Variants in F11 observed in about 807,000 individuals in gnomAD.
The protein encoded by F11 is coagualtion factor XI.
A neutral mutation model predicts 76.5 loss-of-function variants in F11; 78 were observed. The ratio of observed to expected loss-of-function variants is 1.02; its 90% CI spans 0.85 to 1.23. The LOEUF (loss-of-function observed/expected upper bound fraction) is 1.23. Ranked by LOEUF, F11 falls within the 50% of genes most tolerant of loss-of-function variation. The pLI, the probability that F11 is intolerant of heterozygous loss-of-function variation, is 0.00. For missense variants in F11, 742 were observed against 771.4 expected, an observed-to-expected ratio of 0.96 and a Z score of 0.45; for synonymous variants, 278 against 276.3, an observed-to-expected ratio of 1.01 and a Z score of -0.06.
At chr4:186,269,649 G>A (rs567512334) in intron 2 of F11, among the ~76,000 whole-genome samples, 1 of 152,176 alleles carries the variant, frequency 6.6e-6, no homozygotes, top group African/African-American at 2.4e-5. Flanking sequence ...ATCAGCTGGC[G>A]AAGTTGAAAA....
In F11 at chr4:186,280,544, T is replaced by C; in HGVS notation, c.1099T>C (p.Ser367Pro). The C allele has an allele frequency of 6.2e-7, 1 of 1,614,144 alleles. No homozygotes were observed. Among genetic ancestry groups the C allele is most frequent in the African/African-American group, 1.3e-5 (1 of 75,054 alleles). The change falls in exon 10 of 15, where the codon TCT becomes CCT. Residue 367 changes from serine (S) to proline (P), a missense_variant. Coordinates refer to ENST00000403665, the MANE Select transcript of F11 (RefSeq NM_000128.4). ...AATACTTCACGGGAGAGGAGGCATC[T>C]CTGGATACACATTAAGGTTGTGTAA... is the stretch of plus-strand genomic sequence containing the variant. ...TKILHGRGGISGYTLRLCKMD... is the reference protein window; with the variant it reads ...TKILHGRGGIPGYTLRLCKMD...
rs1035275450 is a variant in F11 at position 186,277,062 on chromosome 4, C to T, written c.755+672C>T. On this transcript the variant is annotated intron_variant, in intron 7 of 14. Transcript: ENST00000403665. ...CTCCTGCCTCACCCTCCTCTATCCT[C>T]CCAACTCTCTGAGTCTCCAATAGCT... Among the ~76,000 whole-genome samples, 6 of 152,128 alleles carry T rather than the reference C, an allele frequency of 3.9e-5. No homozygotes were observed. In the South Asian group the frequency reaches 1.2e-3, roughly 32 times the overall value.
At chr4:186,284,621 A>G (rs1434746693) in intron 11 of F11, among the ~76,000 whole-genome samples, 3 of 144,026 alleles carry the variant, frequency 2.1e-5, no homozygotes, top group Non-Finnish European at 3.1e-5. Context: ...CAAATTTCTA[A>G]TATGTGTGTG....
rs190283743 is a variant in F11, at chr4:186,275,840, A to G, written c.539A>G (p.Lys180Arg). The change falls in exon 6 of 15, where the codon AAG becomes AGG. Residue 180 changes from lysine (K) to arginine (R), a missense_variant. Coordinates refer to ENST00000403665, the MANE Select transcript of F11 (RefSeq NM_000128.4). Reference protein sequence around the residue: ...TQTGTPTRITKLDKVVSGFSL... With the variant: ...TQTGTPTRITRLDKVVSGFSL... ...ACAGGGACACCAACCAGAATAACGA[A>G]GCTCGATAAAGTGGTGTCTGGATTT... The G allele has an allele frequency of 4.9e-4, 795 of 1,613,770 alleles. 8 individuals carry two copies. The East Asian group carries it at 0.016, about 32-fold the overall frequency.
Position 186,288,844 on chromosome 4 carries a change from G to T in F11, c.*230G>T. The T allele has an allele frequency of 1.9e-6, 1 of 525,996 alleles. No individual in the cohort carries two copies. Among genetic ancestry groups the T allele is most frequent in the South Asian group, 2.0e-5 (1 of 50,032 alleles). 32.6% of individuals were successfully genotyped at this position (525,996 alleles called of 1,614,324 possible). On this transcript the variant is annotated 3_prime_UTR_variant, in exon 15 of 15. Coordinates refer to ENST00000403665, the MANE Select transcript of F11 (RefSeq NM_000128.4). ...ATTCAGTCTCTTTGTTTTTGATCAC[G>T]CTTCTATGGAGTCCAAGAATTACCA...
chr4:186,276,104 A>AT (rs1740353253), intron 6 of F11, 127 bp from the exon 7 acceptor site: 1 of 1,173,538 alleles, frequency 8.5e-7, no homozygotes, highest in Non-Finnish European at 1.2e-6. Flanking sequence ...TTTCTTCTAA[A>AT]TAAAAAAAAA....
chr4:186,280,754 T>A (rs565520941), intron 10 of F11, among the ~76,000 whole-genome samples, 174 bp downstream of exon 10: 18 of 152,284 alleles, frequency 1.2e-4, no homozygotes, highest in Non-Finnish European at 2.2e-4. Flanking sequence ...GTTTTAAAGG[T>A]AAATATTGAG....
rs786204429 is a variant in F11 at position 186,280,516 on chromosome 4, TA to T, written c.1075del (p.Ile359TyrfsTer13). 7.4e-6 allele frequency: 12 copies of T among 1,614,174 alleles called. No individual in the cohort carries two copies. Among genetic ancestry groups the T allele is most frequent in the Admixed American group, 1.7e-5 (1 of 60,020 alleles). On this transcript the variant is annotated frameshift_variant, in exon 10 of 15. Coordinates refer to ENST00000403665, the MANE Select transcript of F11 (RefSeq NM_000128.4). LOFTEE classifies it high-confidence loss of function. ...AGCTTTCTTCAAACGGATCTCCAAC[TA>T]AAATACTTCACGGGAGAGGAGGCAT... Reference protein sequence around the residue: ...LKLSSNGSPTKILHGRGGISG... With the variant: ...LKLSSNGSPTXILHGRGGISG...
chr4:186,290,474 T>C (rs1308832719), downstream of F11, among the ~76,000 whole-genome samples: 3 of 152,244 alleles, frequency 2.0e-5, no homozygotes, highest in Non-Finnish European at 4.4e-5. Context: ...CTTAGTAGAC[T>C]GGAAGCAACA....
chr4:186,279,924 T>G (rs1740662186), intron 7 of F11, 88 bp from the exon 8 acceptor site: 136 of 973,126 alleles, frequency 1.4e-4, no homozygotes, highest in Middle Eastern at 4.4e-4. Context: ...AGTGCTAGCA[T>G]GAGCTGACTT....
intron 10 of F11, chr4:186,282,674 T>C (rs1740888648): frequency 2.0e-6 from 2 of 985,312 alleles, no homozygotes; most frequent in Non-Finnish European, 2.4e-6. Context: ...TCCTAAAATT[T>C]ACCTTTATGA....
intron 7 of F11, among the ~76,000 whole-genome samples, chr4:186,278,756 C>G (rs1288023181): frequency 6.6e-6 from 1 of 152,162 alleles, no homozygotes; most frequent in Non-Finnish European, 1.5e-5. Context: ...AAGTCAAATT[C>G]AGAAGAGAGG....
At position 186,288,936 on chromosome 4, in the gene F11, G is replaced by A. The variant is rs4253865; in HGVS notation, c.*322G>A. On this transcript the variant is annotated 3_prime_UTR_variant, in exon 15 of 15. Coordinates refer to ENST00000403665, the MANE Select transcript of F11 (RefSeq NM_000128.4). Reference sequence around the variant, plus strand: ...CAGAAAATAACCAAGTAGTGGCAGTGGGGATCAGGCAGAAGAACTGGTAAA... The same window carrying A: ...CAGAAAATAACCAAGTAGTGGCAGTAGGGATCAGGCAGAAGAACTGGTAAA... The A allele has an allele frequency of 0.063, 21,888 of 346,854 alleles. 911 individuals are homozygous for A. The highest frequency in any genetic ancestry group is 0.13 in the African/African-American group (6,024 of 47,054). 21.5% of individuals were successfully genotyped at this position (346,854 alleles called of 1,614,324 possible).
intron 1 of F11, among the ~76,000 whole-genome samples, chr4:186,266,543 A>T (rs1236432430): frequency 6.6e-6 from 1 of 152,188 alleles, no homozygotes; most frequent in African/African-American, 2.4e-5. Flanking sequence ...AAGACATCCA[A>T]ATGCAGTACT....
chr4:186,285,693 A>G lies in F11; in HGVS notation c.1360A>G (p.Ile454Val), dbSNP rs903458418. The G allele has an allele frequency of 1.2e-6, 2 of 1,614,076 alleles. No homozygotes were observed. Among genetic ancestry groups the G allele is most frequent in the Non-Finnish European group, 1.7e-6 (2 of 1,179,960 alleles). Residue 454 changes from isoleucine (I) to valine (V), a missense_variant, in exon 12 of 15, where the codon ATA becomes GTA. Transcript: ENST00000403665. Reference sequence around the variant, plus strand: ...CAGTGGCATTTTAAATCAATCTGAAATAAAAGAGGACACATCTTTCTTTGG... The same window carrying G: ...CAGTGGCATTTTAAATCAATCTGAAGTAAAAGAGGACACATCTTTCTTTGG... ...VYSGILNQSE[I>V]KEDTSFFGVQ...
downstream of F11, among the ~76,000 whole-genome samples, chr4:186,289,725 C>T (rs1179399811): frequency 2.0e-5 from 3 of 149,686 alleles, no homozygotes; most frequent in Non-Finnish European, 4.4e-5. Flanking sequence ...CCCTGTTGCC[C>T]AAGCTGGAGT....
At chr4:186,285,472 T>C (rs1263774561) in intron 11 of F11, among the ~76,000 whole-genome samples, 166 bp from the exon 12 acceptor site, 1 of 152,142 alleles carries the variant, frequency 6.6e-6, no homozygotes, top group Non-Finnish European at 1.5e-5. Context: ...ATAGGGTGAA[T>C]ATGTTTTTTA....
chr4:186,283,851 C>T (rs1381102194), intron 10 of F11, among the ~76,000 whole-genome samples: 1 of 152,140 alleles, frequency 6.6e-6, no homozygotes, highest in East Asian at 1.9e-4. Context: ...GGTAAGACAG[C>T]CTTGTAGTAC....
intron 4 of F11, 105 bp from the exon 5 acceptor site, chr4:186,274,011 G>A: frequency 7.7e-7 from 1 of 1,292,274 alleles, no homozygotes; most frequent in Non-Finnish European, 1.1e-6. Flanking sequence ...GACCTCTGAG[G>A]AAAGGTGGGT....
Sources: allele counts gnomAD v4.1 joint callset (sites outside exome capture counted in the v4.1 genomes callset), GRCh38; gene constraint gnomAD v4.1.1; transcripts MANE v1.5; gene names NCBI Gene and HGNC (gene_info 2026-07-23, HGNC 2026-07-21).